TNKS2: variants seen among roughly 807,000 people sequenced by gnomAD.
TNKS2 encodes the protein poly [ADP-ribose] polymerase tankyrase-2.
In TNKS2, 72 loss-of-function variants were observed where a neutral mutation model predicts 137.6. The ratio of observed to expected loss-of-function variants is 0.52; its 90% CI spans 0.43 to 0.64. The LOEUF (loss-of-function observed/expected upper bound fraction) is 0.64, where lower values mean the gene tolerates loss of function less well. Ranked by LOEUF, TNKS2 falls within the 30% of genes least tolerant of loss-of-function variation. The probability of loss-of-function intolerance (pLI) is 0.00; values close to 1 mark genes in which losing one functional copy is unlikely to be tolerated. For missense variants in TNKS2, 1,049 were observed against 1,410.2 expected, an observed-to-expected ratio of 0.74 and a Z score of 4.10; for synonymous variants, 516 against 512.1, an observed-to-expected ratio of 1.01 and a Z score of -0.10.
chr10:91,828,253 G>T, intron 8 of TNKS2, 32 bp from the exon 9 acceptor site: 1 of 1,505,324 alleles, frequency 6.6e-7, no homozygotes, highest in African/African-American at 1.4e-5. Context: ...ATTTGAACTC[G>T]TTATACATGT....
intron 13 of TNKS2, among the ~76,000 whole-genome samples, chr10:91,837,995 T>C (rs1300345957): frequency 6.6e-6 from 1 of 151,822 alleles, no homozygotes; most frequent in African/African-American, 2.4e-5. Flanking sequence ...ACTGATTTTT[T>C]TTTCAGGAAA....
At chr10:91,855,741 A>G in intron 23 of TNKS2, 53 bp downstream of exon 23, 1 of 1,322,520 alleles carries the variant, frequency 7.6e-7, no homozygotes. Context: ...TCAAAGCCTG[A>G]AGCCATAAGT....
At chr10:91,807,750 T>C (rs1284814955) in intron 1 of TNKS2, among the ~76,000 whole-genome samples, 4 of 152,146 alleles carry the variant, frequency 2.6e-5, no homozygotes, top group African/African-American at 9.7e-5. Context: ...ATCCCAGCAC[T>C]TCGGGAGGCC....
chr10:91,837,714 G>T (rs1842072862), intron 13 of TNKS2, among the ~76,000 whole-genome samples: 1 of 152,222 alleles, frequency 6.6e-6, no homozygotes, highest in South Asian at 2.1e-4. Flanking sequence ...ACAAAAATTA[G>T]CTGGGCGTAG....
Position 91,862,999 on chromosome 10 carries a change from A to G in TNKS2, c.3501A>G (p.Ter1167=), listed in dbSNP as rs761764476. The change falls in exon 27 of 27, where the codon TAA becomes TAG. Residue 1167 remains the stop codon, a stop_retained_variant. Transcript: ENST00000371627. The part of the protein sequence containing the change: ...IMRPEGMVDG[*] ...GGCCTGAAGGTATGGTCGATGGATA[A>G]ATAGTTATTTTAAGAAACTAATTCC... The G allele has an allele frequency of 6.3e-7, 1 of 1,598,982 alleles. No individual in the cohort carries two copies. The highest frequency in any genetic ancestry group is 8.6e-7 in the Non-Finnish European group (1 of 1,168,246).
At chr10:91,862,312 A>G (rs1328566659) in intron 26 of TNKS2, among the ~76,000 whole-genome samples, 157 bp downstream of exon 26, 1 of 152,212 alleles carries the variant, frequency 6.6e-6, no homozygotes, top group East Asian at 1.9e-4. Flanking sequence ...CAAAAATAGT[A>G]AAGAGAATTT....
chr10:91,833,168 T>G (rs1314423901), intron 11 of TNKS2, among the ~76,000 whole-genome samples: 1 of 152,190 alleles, frequency 6.6e-6, no homozygotes, highest in Non-Finnish European at 1.5e-5. Context: ...GAACATTATC[T>G]CATGGCAGAA....
intron 1 of TNKS2, among the ~76,000 whole-genome samples, chr10:91,810,156 A>T (rs1564603878): frequency 6.6e-6 from 1 of 152,080 alleles, no homozygotes; most frequent in Non-Finnish European, 1.5e-5. Context: ...GCTGAGGATT[A>T]CTTGAGGTCA....
At chr10:91,841,500 A>T in intron 15 of TNKS2, 52 bp downstream of exon 15, 1 of 1,391,752 alleles carries the variant, frequency 7.2e-7, no homozygotes, top group Non-Finnish European at 9.5e-7. Flanking sequence ...GCATATGTTT[A>T]TGGTTTTCTA....
intron 20 of TNKS2, 42 bp downstream of exon 20, chr10:91,849,636 A>G (rs761066320): frequency 1.3e-6 from 2 of 1,488,550 alleles, no homozygotes; most frequent in South Asian, 2.5e-5. Context: ...TGTTTTATGG[A>G]AACTCAAGGA....
chr10:91,848,373 C>T lies in TNKS2; in HGVS notation c.2359-10C>T. ...CTTATGGCAGATGTTGTCTCTGACACGTACCCTAGGCGGATGATGTCAGCG... is the reference window on the plus strand; with the variant it reads ...CTTATGGCAGATGTTGTCTCTGACATGTACCCTAGGCGGATGATGTCAGCG... On this transcript the variant is annotated splice_polypyrimidine_tract_variant and intron_variant, in intron 18 of 26. Transcript: ENST00000371627. The T allele has an allele frequency of 6.2e-7, 1 of 1,611,522 alleles. No homozygotes were observed. Among genetic ancestry groups the T allele is most frequent in the Non-Finnish European group, 8.5e-7 (1 of 1,178,472 alleles).
At chr10:91,846,089 A>C (rs562654672) in intron 18 of TNKS2, 149 bp downstream of exon 18, 1 of 473,748 alleles carries the variant, frequency 2.1e-6, no homozygotes, top group South Asian at 6.6e-5. Flanking sequence ...TAGTATTAAA[A>C]TATAATAGAA....
At chr10:91,817,085 A>G (rs1421585812) in intron 2 of TNKS2, 49 bp from the exon 3 acceptor site, 1 of 1,315,228 alleles carries the variant, frequency 7.6e-7, no homozygotes, top group Admixed American at 1.8e-5. Context: ...ACTAAAATCA[A>G]GTTGTTAAGA....
intron 23 of TNKS2, among the ~76,000 whole-genome samples, chr10:91,856,680 G>GT (rs952833691): frequency 1.4e-4 from 21 of 151,956 alleles, no homozygotes; most frequent in Middle Eastern, 3.4e-3. Flanking sequence ...GATGAAACGG[G>GT]TTTTTTTTGT....
At chr10:91,861,487 A>T (rs573843335) in intron 25 of TNKS2, among the ~76,000 whole-genome samples, 1 of 133,742 alleles carries the variant, frequency 7.5e-6, no homozygotes, top group South Asian at 3.0e-4. Context: ...GACAGGAATT[A>T]CAGAAGAAAC....
At chr10:91,828,184 G>C in intron 8 of TNKS2, 101 bp from the exon 9 acceptor site, 1 of 1,257,404 alleles carries the variant, frequency 8.0e-7, no homozygotes, top group Non-Finnish European at 1.1e-6. Context: ...TATTTTGGAA[G>C]ATTATTTTGA....
At chr10:91,847,226 G>C (rs1842401510) in intron 18 of TNKS2, among the ~76,000 whole-genome samples, 1 of 152,190 alleles carries the variant, frequency 6.6e-6, no homozygotes, top group Admixed American at 6.5e-5. Flanking sequence ...AAATGACTAT[G>C]AAACAAGTAC....
chr10:91,841,271 ATTAC>A lies in TNKS2; in HGVS notation c.1674-9_1674-6del. ...TCTTCTGTGGCATTATTGTTCATTT[ATTAC>A]TTTTCAGAGGCCTTGTACCTTTGCA... On this transcript the variant is annotated splice_polypyrimidine_tract_variant and splice_region_variant and intron_variant, in intron 14 of 26. Coordinates refer to ENST00000371627, the MANE Select transcript of TNKS2 (RefSeq NM_025235.4). 7 of 1,510,080 alleles carry A rather than the reference ATTAC, an allele frequency of 4.6e-6. No homozygotes were observed. The highest frequency in any genetic ancestry group is 2.7e-5 in the South Asian group (2 of 73,700). 93.5% of individuals were successfully genotyped at this position (1,510,080 alleles called of 1,614,324 possible). A position where few individuals can be genotyped will look rare whatever the true frequency, so the allele number is the denominator to read the frequency against.
Position 91,818,995 on chromosome 10 carries a change from C to T in TNKS2, c.521-275C>T, listed in dbSNP as rs532359173. Among the ~76,000 whole-genome samples, 399 of 152,176 alleles carry T rather than the reference C, an allele frequency of 2.6e-3. 3 individuals carry two copies. Among genetic ancestry groups the T allele is most frequent in the Middle Eastern group, 6.8e-3 (2 of 294 alleles). ...TTTGGTATATTTTCTTTTGGGCTTT[C>T]CTTTTCCTGAGCATATTGATTTTAT... is the stretch of plus-strand genomic sequence containing the variant. On this transcript the variant is annotated intron_variant, in intron 3 of 26. Transcript: ENST00000371627.
Sources: allele counts gnomAD v4.1 joint callset (sites outside exome capture counted in the v4.1 genomes callset), GRCh38; gene constraint gnomAD v4.1.1; transcripts MANE v1.5; gene names NCBI Gene and HGNC (gene_info 2026-07-23, HGNC 2026-07-21).